Variants in LLGL1 observed in about 807,000 individuals in gnomAD.
The protein encoded by LLGL1 is lethal(2) giant larvae protein homolog 1.
LLGL1 carries 58 observed loss-of-function variants against 110.6 expected under a neutral mutation model. That is an observed-to-expected ratio of 0.52 (90% CI 0.42 to 0.65). LLGL1 has a LOEUF of 0.65. Among genes scored for constraint, LLGL1 ranks in the 30% least tolerant of loss-of-function variants. The pLI is 0.00. For synonymous variants in LLGL1, 674 were observed against 607.2 expected (o/e 1.11, Z -1.62); for missense variants, 1,229 against 1,462.1 (o/e 0.84, Z 2.60).
At chr17:18,239,485 C>T (rs2047773990) in intron 16 of LLGL1, among the ~76,000 whole-genome samples, 1 of 152,094 alleles carries the variant, frequency 6.6e-6, no homozygotes, top group Admixed American at 6.5e-5. Context: ...GCGGATTCTG[C>T]CCCCCTCCTC....
rs1231129089 is a variant in LLGL1 at position 18,232,723 on chromosome 17, G to A, written c.313G>A (p.Val105Ile). Residue 105 changes from valine to isoleucine, a missense_variant, in exon 4 of 23, where the codon GTC becomes ATC. Transcript: ENST00000316843. ...DDSSLHLWEI[V>I]HHNGCAHLEE... ...CAGCAGTCTGCATCTCTGGGAGATT[G>A]TCCACCATAATGGCTGTGCCCACCT... The A allele has an allele frequency of 1.2e-6, 2 of 1,614,174 alleles. No homozygotes were observed. Among genetic ancestry groups the A allele is most frequent in the Admixed American group, 3.3e-5 (2 of 60,026 alleles).
Position 18,244,791 on chromosome 17 carries a change from G to T in LLGL1, c.*885G>T. The T allele has an allele frequency of 3.8e-6, 1 of 263,848 alleles. No homozygotes were observed. The highest frequency in any genetic ancestry group is 7.0e-6 in the Non-Finnish European group (1 of 143,320). 16.3% of individuals were successfully genotyped at this position (263,848 alleles called of 1,614,324 possible). ...AGATTGTACCTTGGGGTTTTTTTCT[G>T]TCGTTTTGTTAAAATTAGCGCCATT... On this transcript the variant is annotated 3_prime_UTR_variant, in exon 23 of 23. Transcript: ENST00000316843.
At chr17:18,241,365 GC>G (rs2047827194) in intron 17 of LLGL1, 85 bp from the exon 18 acceptor site, 1 of 1,500,996 alleles carries the variant, frequency 6.7e-7, no homozygotes, top group African/African-American at 1.4e-5. Flanking sequence ...TGTGGTGGGG[GC>G]TGTTGGGTCA....
chr17:18,233,057 C>T (rs1428559905), intron 4 of LLGL1, among the ~76,000 whole-genome samples: 1 of 152,216 alleles, frequency 6.6e-6, no homozygotes, highest in Non-Finnish European at 1.5e-5. Flanking sequence ...GCAGGAGGTA[C>T]ATGCATTATA....
Position 18,242,586 on chromosome 17 carries a change from C to G in LLGL1, c.3074C>G (p.Thr1025Arg). The change falls in exon 21 of 23, where the codon ACG (threonine) becomes AGG (arginine). Residue 1025 changes from threonine (T) to arginine (R), a missense_variant. Thr to Arg is a moderately conservative substitution (Grantham distance 71, BLOSUM62 -1). Coordinates refer to ENST00000316843, the MANE Select transcript of LLGL1 (RefSeq NM_004140.4). ...ACCAGTGCTGACACCACGCTGGACA[C>G]GACAGGGGACGTCACAGTGGAAGAT... ...SATSADTTLD[T>R]TGDVTVEDVK... 4 of 1,614,038 alleles carry G rather than the reference C, an allele frequency of 2.5e-6. No individual in the cohort carries two copies. Among genetic ancestry groups the G allele is most frequent in the Non-Finnish European group, 3.4e-6 (4 of 1,179,938 alleles).
At chr17:18,241,288 A>C in intron 17 of LLGL1, 163 bp from the exon 18 acceptor site, 1 of 796,106 alleles carries the variant, frequency 1.3e-6, no homozygotes. Context: ...TACAGTGTGA[A>C]GTCTGGAGTT....
chr17:18,234,794 T>C, intron 8 of LLGL1, 45 bp from the exon 9 acceptor site: 1 of 1,613,990 alleles, frequency 6.2e-7, no homozygotes, highest in Non-Finnish European at 8.5e-7. Flanking sequence ...GTATGTGCTC[T>C]GGACCCAAGT....
intron 1 of LLGL1, among the ~76,000 whole-genome samples, chr17:18,228,285 G>A (rs2142543241): frequency 1.3e-5 from 2 of 152,328 alleles, no homozygotes; most frequent in South Asian, 4.1e-4. Context: ...AGGCTTCTCT[G>A]AGGAGATTAC....
intron 20 of LLGL1, 35 bp downstream of exon 20, chr17:18,242,313 C>T (rs2047858004): frequency 6.3e-7 from 1 of 1,588,746 alleles, no homozygotes; most frequent in Non-Finnish European, 8.6e-7. Context: ...AGACCCTGGC[C>T]CCACGGTGCC....
intron 17 of LLGL1, chr17:18,241,235 G>A (rs948430665): frequency 1.3e-5 from 8 of 631,722 alleles, no homozygotes; most frequent in Non-Finnish European, 1.9e-5. Context: ...CTCTGTGATT[G>A]ATTTTGTCAC....
rs549478417 is a variant in LLGL1 at position 18,236,701 on chromosome 17, T to C, written c.1447T>C (p.Cys483Arg). 8 of 1,612,652 alleles carry C rather than the reference T, an allele frequency of 5.0e-6. No homozygotes were observed. The highest frequency in any genetic ancestry group is 1.3e-5 in the African/African-American group (1 of 75,026). Reference protein sequence around the residue: ...LSTAGLFQTDCEHADSLAQAA... With the variant: ...LSTAGLFQTDREHADSLAQAA... ...CACAGCTGGCCTCTTCCAGACAGAC[T>C]GTGAGCACGCTGACAGCCTGGCCCA... is the stretch of plus-strand genomic sequence containing the variant. Residue 483 changes from cysteine (C) to arginine (R), a missense_variant, in exon 12 of 23, where the codon TGT becomes CGT. Coordinates refer to ENST00000316843, the MANE Select transcript of LLGL1 (RefSeq NM_004140.4).
intron 18 of LLGL1, 71 bp downstream of exon 18, chr17:18,241,786 A>AGCAGGAAGGGCACTCCAGGTGG: frequency 6.2e-7 from 1 of 1,607,882 alleles, no homozygotes; most frequent in Non-Finnish European, 8.5e-7. Flanking sequence ...ACTGCTTGGG[A>AGCAGGAAGGGCACTCCAGGTGG]GCAGGAAGGG....
rs374719206 is a variant in LLGL1 at position 18,235,463 on chromosome 17, C to G, written c.1285-7C>G. 7.7e-5 allele frequency: 124 copies of G among 1,613,984 alleles called. No individual in the cohort carries two copies. Among genetic ancestry groups the G allele is most frequent in the Non-Finnish European group, 9.5e-5 (112 of 1,180,012 alleles). Reference sequence around the variant, plus strand: ...CTTGTGCATACATCTCTGCCACCCCCTCCCAGAGCTGGCCCATCACTGGGG... The same window carrying G: ...CTTGTGCATACATCTCTGCCACCCCGTCCCAGAGCTGGCCCATCACTGGGG... On this transcript the variant is annotated splice_polypyrimidine_tract_variant and splice_region_variant and intron_variant, in intron 10 of 22. Transcript: ENST00000316843.
chr17:18,236,866 C>T lies in LLGL1; in HGVS notation c.1538C>T (p.Pro513Leu). 1 of 1,613,890 alleles carries T rather than the reference C, an allele frequency of 6.2e-7. No homozygotes were observed. Among genetic ancestry groups the T allele is most frequent in the Non-Finnish European group, 8.5e-7 (1 of 1,179,992 alleles). The change falls in exon 13 of 23, where the codon CCC becomes CTC. Residue 513 changes from proline to leucine, a missense_variant. Pro to Leu is a moderately conservative substitution (Grantham distance 98, BLOSUM62 -3). Transcript: ENST00000316843. ...VGCFDPYSDD[P>L]RLGVQKVALC... ...TGCTTCGATCCCTACAGTGACGATC[C>T]CCGGCTTGGCGTGCAGAAGGTTGCT... is the stretch of plus-strand genomic sequence containing the variant.
chr17:18,234,946 C>A lies in LLGL1; in HGVS notation c.1013C>A (p.Ser338Tyr). 6.2e-7 allele frequency: 1 copy of A among 1,614,128 alleles called. No individual in the cohort carries two copies. Among genetic ancestry groups the A allele is most frequent in the Non-Finnish European group, 8.5e-7 (1 of 1,180,010 alleles). ...ACATTGGTGACGCTGGACTTCACTT[C>A]CCGCATCATCGACTTCTTCACAGTG... is the stretch of plus-strand genomic sequence containing the variant. ...AETLVTLDFT[S>Y]RIIDFFTVHS... Residue 338 changes from serine (S) to tyrosine (Y), a missense_variant, in exon 9 of 23, where the codon TCC (serine) becomes TAC (tyrosine). Coordinates refer to ENST00000316843, the MANE Select transcript of LLGL1 (RefSeq NM_004140.4).
At chr17:18,230,735 C>G (rs1457480850) in intron 2 of LLGL1, among the ~76,000 whole-genome samples, 1 of 152,178 alleles carries the variant, frequency 6.6e-6, no homozygotes, top group Non-Finnish European at 1.5e-5. Context: ...GTGTGGCCTT[C>G]TGGGTTTCAG....
intron 1 of LLGL1, among the ~76,000 whole-genome samples, 183 bp downstream of exon 1, chr17:18,225,946 G>A (rs938704825): frequency 3.3e-5 from 5 of 151,298 alleles, no homozygotes; most frequent in Non-Finnish European, 4.4e-5. Context: ...TCGGACTCTG[G>A]GTGGGTCTGG....
chr17:18,241,221 A>G (rs2047823814), intron 17 of LLGL1: 1 of 620,550 alleles, frequency 1.6e-6, no homozygotes, highest in South Asian at 2.0e-5. Flanking sequence ...TAACCTTGGC[A>G]TAACTCTGTG....
chr17:18,225,870 C>T (rs2142521286), intron 1 of LLGL1, 107 bp downstream of exon 1: 1 of 350,336 alleles, frequency 2.9e-6, no homozygotes, highest in Non-Finnish European at 4.0e-6. Flanking sequence ...CGGGGGCTGG[C>T]ATGCAGCGCG....
Sources: gnomAD v4.1 joint callset for allele counts (sites outside exome capture counted in the v4.1 genomes callset) on GRCh38, gnomAD v4.1.1 for gene constraint, MANE v1.5 for transcripts, NCBI Gene and HGNC (gene_info 2026-07-23, HGNC 2026-07-21) for gene names.